OPA1: variants seen among roughly 807,000 people sequenced by gnomAD.
The protein encoded by OPA1 is dynamin-like GTPase OPA1, mitochondrial.
A neutral mutation model predicts 152.9 loss-of-function variants in OPA1; 59 were observed. The ratio of observed to expected loss-of-function variants is 0.39; its 90% CI spans 0.31 to 0.48. The LOEUF is 0.48. OPA1 is among the 20% of genes least tolerant of loss of function. The pLI is 0.96. For synonymous variants in OPA1, 400 were observed against 389.9 expected, an observed-to-expected ratio of 1.03 and a Z score of -0.31; for missense variants, 1,008 against 1,216.8, an observed-to-expected ratio of 0.83 and a Z score of 2.55.
At chr3:193,647,449 A>G (rs1374136834) in intron 19 of OPA1, among the ~76,000 whole-genome samples, 1 of 152,186 alleles carries the variant, frequency 6.6e-6, no homozygotes, top group Admixed American at 6.5e-5. Flanking sequence ...TACACAATAA[A>G]CTATAGAGAA....
chr3:193,607,478 C>T (rs1228300453), intron 1 of OPA1, among the ~76,000 whole-genome samples: 1 of 152,226 alleles, frequency 6.6e-6, no homozygotes, highest in Non-Finnish European at 1.5e-5. Context: ...CAGCTTTCTA[C>T]ATATGGCTAG....
chr3:193,612,950 A>G (rs1728483316), intron 1 of OPA1, among the ~76,000 whole-genome samples: 1 of 152,204 alleles, frequency 6.6e-6, no homozygotes, highest in African/African-American at 2.4e-5. Context: ...TCCAGTTACA[A>G]TCAAGAGACC....
At chr3:193,640,709 C>G (rs1007951722) in intron 11 of OPA1, among the ~76,000 whole-genome samples, 2 of 152,064 alleles carry the variant, frequency 1.3e-5, no homozygotes, top group Non-Finnish European at 2.9e-5. Context: ...GTTCTGTGGA[C>G]ATAAATTTTA....
chr3:193,619,054 TAG>T, intron 6 of OPA1, 118 bp downstream of exon 6: 3 of 811,252 alleles, frequency 3.7e-6, no homozygotes, highest in Admixed American at 1.9e-5. Flanking sequence ...AACATCCAAG[TAG>T]AGATATCGTT....
intron 9 of OPA1, among the ~76,000 whole-genome samples, chr3:193,636,644 A>G (rs966180689): frequency 3.9e-5 from 6 of 152,134 alleles, no homozygotes; most frequent in Non-Finnish European, 8.8e-5. Context: ...GCAAGAAACG[A>G]TACAGGATAT....
At chr3:193,664,562 C>A (rs539093756) in intron 26 of OPA1, among the ~76,000 whole-genome samples, 29 of 152,094 alleles carry the variant, frequency 1.9e-4, no homozygotes, top group African/African-American at 5.8e-4. Context: ...TTGGTTTCCT[C>A]ACCTCTAACT....
intron 3 of OPA1, among the ~76,000 whole-genome samples, 174 bp from the exon 4 acceptor site, chr3:193,617,004 C>T (rs913021015): frequency 3.9e-5 from 6 of 152,214 alleles, no homozygotes; most frequent in African/African-American, 1.2e-4. Flanking sequence ...AACCCGGGCT[C>T]CTCCACTTCC....
At position 193,657,128 on chromosome 3, in the gene OPA1, C is replaced by G. The variant is rs779383230; in HGVS notation, c.2227C>G (p.Pro743Ala). The G allele has an allele frequency of 6.2e-7, 1 of 1,613,602 alleles. No individual in the cohort carries two copies. Among genetic ancestry groups the G allele is most frequent in the Admixed American group, 1.7e-5 (1 of 59,968 alleles). Residue 743 changes from proline (P) to alanine (A), a missense_variant, in exon 23 of 31, where the codon CCG (proline) becomes GCG (alanine). Around this residue, in one of 7 missense-constraint regions of OPA1, gnomAD observed 229 missense variants for 269.0 expected, o/e 0.85. Coordinates refer to ENST00000361510, the MANE Select transcript of OPA1 (RefSeq NM_130837.3). Reference sequence around the variant, plus strand: ...AGAATTTTCCCGCTTTATGACAGAACCGAAAGGGAAAGAGCATGATGACAT... The same window carrying G: ...AGAATTTTCCCGCTTTATGACAGAAGCGAAAGGGAAAGAGCATGATGACAT... ...QEEFSRFMTE[P>A]KGKEHDDIFD...
At chr3:193,599,657 G>C (rs1726162202) in intron 1 of OPA1, among the ~76,000 whole-genome samples, 1 of 152,118 alleles carries the variant, frequency 6.6e-6, no homozygotes, top group African/African-American at 2.4e-5. Context: ...GAGATTTACT[G>C]TCTGGCTGAC....
In OPA1 at chr3:193,635,473, A is replaced by G; in HGVS notation, c.899A>G (p.Lys300Arg). 3 of 1,609,590 alleles carry G rather than the reference A, an allele frequency of 1.9e-6. No individual in the cohort carries two copies. Among genetic ancestry groups the G allele is most frequent in the Non-Finnish European group, 2.6e-6 (3 of 1,176,132 alleles). The change falls in exon 9 of 31, where the codon AAA (lysine) becomes AGA (arginine). Residue 300 changes from lysine to arginine, a missense_variant. By Grantham distance (26) the Lys-to-Arg change is conservative. Around this residue, in one of 7 missense-constraint regions of OPA1, gnomAD observed 408 missense variants for 395.1 expected, o/e 1.03. Coordinates refer to ENST00000361510, the MANE Select transcript of OPA1 (RefSeq NM_130837.3). ...GAAAAGGAGAACAAAGAATTGAGAA[A>G]ATTAGTATTGCAGAAAGATGACAAA... ...RLEKENKELR[K>R]LVLQKDDKGI...
intron 21 of OPA1, among the ~76,000 whole-genome samples, chr3:193,651,938 A>G (rs777310232): frequency 5.9e-5 from 9 of 152,294 alleles, no homozygotes; most frequent in Non-Finnish European, 8.8e-5. Flanking sequence ...AAAGAATTTA[A>G]TTAAAGTGGA....
intron 1 of OPA1, among the ~76,000 whole-genome samples, chr3:193,595,932 C>T (rs939017191): frequency 6.6e-6 from 1 of 152,070 alleles, no homozygotes; most frequent in African/African-American, 2.4e-5. Context: ...CATACATATA[C>T]CCTATGTATA....
chr3:193,684,367 C>A (rs1291644600), intron 29 of OPA1, among the ~76,000 whole-genome samples: 1 of 151,662 alleles, frequency 6.6e-6, no homozygotes, highest in East Asian at 1.9e-4. Context: ...TGCAGCTGAT[C>A]CTTTTAGTAA....
At chr3:193,687,773 A>G (rs945106115) in intron 29 of OPA1, among the ~76,000 whole-genome samples, 10 of 152,210 alleles carry the variant, frequency 6.6e-5, no homozygotes, top group Non-Finnish European at 1.0e-4. Context: ...ATTTAAAATG[A>G]ATGAATTTAT....
At chr3:193,625,160 A>G (rs573866905) in intron 6 of OPA1, among the ~76,000 whole-genome samples, 6 of 152,268 alleles carry the variant, frequency 3.9e-5, no homozygotes, top group African/African-American at 1.4e-4. Context: ...TAATAAAGCT[A>G]TGCAGGAAAT....
At chr3:193,662,192 G>A (rs1164470018) in intron 25 of OPA1, among the ~76,000 whole-genome samples, 1 of 152,146 alleles carries the variant, frequency 6.6e-6, no homozygotes, top group East Asian at 1.9e-4. Context: ...CATAACTAGT[G>A]TAGGTAAGTT....
chr3:193,665,043 C>A, intron 27 of OPA1, 47 bp downstream of exon 27: 2 of 1,009,692 alleles, frequency 2.0e-6, no homozygotes, highest in South Asian at 2.6e-5. Context: ...CAACAGTTGT[C>A]AAAATATGCT....
chr3:193,641,716 A>G (rs1251145689), intron 11 of OPA1, among the ~76,000 whole-genome samples: 1 of 152,224 alleles, frequency 6.6e-6, no homozygotes, highest in Non-Finnish European at 1.5e-5. Context: ...ATCTCAGTAG[A>G]AGGAATTGTA....
At chr3:193,678,733 C>G (rs1719605790) in intron 29 of OPA1, among the ~76,000 whole-genome samples, 1 of 152,182 alleles carries the variant, frequency 6.6e-6, no homozygotes, top group East Asian at 1.9e-4. Flanking sequence ...GAAAATCACT[C>G]TCCTTTGAAC....
Sources: allele counts gnomAD v4.1 joint callset (sites outside exome capture counted in the v4.1 genomes callset), GRCh38; gene constraint gnomAD v4.1.1; regional missense constraint gnomAD v4.1.1; transcripts MANE v1.5; gene names NCBI Gene and HGNC (gene_info 2026-07-23, HGNC 2026-07-21).